TMEM117: variants seen among roughly 807,000 people sequenced by gnomAD.
TMEM117 encodes the protein transmembrane protein 117.
In TMEM117, 27 loss-of-function variants were observed where a neutral mutation model predicts 52.4. The observed-to-expected ratio is 0.51, with a 90% CI of 0.38 to 0.71. TMEM117 has a LOEUF of 0.71. Among genes scored for constraint, TMEM117 ranks in the 30% least tolerant of loss-of-function variants. The probability of loss-of-function intolerance (pLI) is 0.00; values close to 1 mark genes in which losing one functional copy is unlikely to be tolerated. For missense variants in TMEM117, 556 were observed against 630.5 expected (o/e 0.88, Z 1.26); for synonymous variants, 215 against 206.3 (o/e 1.04, Z -0.36).
chr12:43,906,924 C>A (rs1349965753), intron 2 of TMEM117, among the ~76,000 whole-genome samples: 1 of 152,110 alleles, frequency 6.6e-6, no homozygotes, highest in Non-Finnish European at 1.5e-5. Context: ...GGGGGAGGGG[C>A]GCCTGCCATT....
chr12:43,821,830 C>T, the TMEM117 span, among the ~76,000 whole-genome samples: 60 of 152,192 alleles, frequency 3.9e-4, no homozygotes, highest in East Asian at 2.1e-3. Flanking sequence ...TTGTTTTTAG[C>T]GGAGAAGGGC....
intron 2 of TMEM117, among the ~76,000 whole-genome samples, chr12:43,884,866 T>C (rs1186010299): frequency 6.6e-6 from 1 of 152,132 alleles, no homozygotes; most frequent in African/African-American, 2.4e-5. Context: ...TTATCAGTAC[T>C]GCACAAAGCT....
At chr12:44,207,916 T>G (rs1337739879) in intron 4 of TMEM117, among the ~76,000 whole-genome samples, 1 of 152,166 alleles carries the variant, frequency 6.6e-6, no homozygotes, top group Non-Finnish European at 1.5e-5. Context: ...TTATTTAACT[T>G]CATTGACTTC....
chr12:43,814,685 G>C, the TMEM117 span, among the ~76,000 whole-genome samples: 2 of 151,244 alleles, frequency 1.3e-5, no homozygotes, highest in African/African-American at 2.4e-5. Context: ...TGCATTACCA[G>C]TGTACAATGC....
In TMEM117 at chr12:44,261,630, A is replaced by G. The variant is rs949099472; in HGVS notation, c.609-37950A>G. On this transcript the variant is annotated intron_variant, in intron 5 of 7. Coordinates refer to ENST00000266534, the MANE Select transcript of TMEM117 (RefSeq NM_032256.3). ...AGCTTAAGGAAACAGTCCAATTTGA[A>G]TAATAGGAACATAGATGGAAGGTAC... 4.6e-5 allele frequency among the ~76,000 whole-genome samples: 7 copies of G among 152,326 alleles called. 1 individual carries two copies. The highest frequency in any genetic ancestry group is 4.6e-4 in the Admixed American group (7 of 15,304).
At chr12:44,066,240 G>A (rs1442839691) in intron 3 of TMEM117, among the ~76,000 whole-genome samples, 1 of 152,154 alleles carries the variant, frequency 6.6e-6, no homozygotes, top group Admixed American at 6.6e-5. Flanking sequence ...AATAGGTAAG[G>A]AGGCAACTTT....
At chr12:44,283,972 G>T (rs1467030368) in intron 5 of TMEM117, among the ~76,000 whole-genome samples, 1 of 152,132 alleles carries the variant, frequency 6.6e-6, no homozygotes, top group African/African-American at 2.4e-5. Flanking sequence ...GTTTATCAGG[G>T]TTTCCACTTC....
At chr12:44,052,060 A>G (rs1411483144) in intron 3 of TMEM117, among the ~76,000 whole-genome samples, 2 of 152,240 alleles carry the variant, frequency 1.3e-5, no homozygotes, top group Non-Finnish European at 2.9e-5. Flanking sequence ...AAAGATGATA[A>G]TAGTACCTAT....
chr12:43,855,619 T>A (rs967205447), intron 2 of TMEM117, among the ~76,000 whole-genome samples: 10 of 152,206 alleles, frequency 6.6e-5, no homozygotes, highest in African/African-American at 2.2e-4. Flanking sequence ...AACAGGAAGT[T>A]TGGGGACAAA....
chr12:43,817,481 G>A, the TMEM117 span, among the ~76,000 whole-genome samples: 693 of 152,298 alleles, frequency 4.6e-3, 7 homozygotes, highest in African/African-American at 0.016. Context: ...ACTGGAATGA[G>A]CTTAGGATTT....
At chr12:43,850,932 C>T (rs767957212) in intron 2 of TMEM117, among the ~76,000 whole-genome samples, 5 of 151,946 alleles carry the variant, frequency 3.3e-5, no homozygotes, top group Non-Finnish European at 4.4e-5. Context: ...TTGCTAATGA[C>T]GAGCACAGAA....
intron 4 of TMEM117, among the ~76,000 whole-genome samples, chr12:44,175,727 G>A (rs191468516): frequency 1.3e-5 from 2 of 152,262 alleles, no homozygotes; most frequent in Non-Finnish European, 2.9e-5. Flanking sequence ...AAGGTAGATT[G>A]ACAGAGATGG....
At chr12:44,158,325 G>T (rs182866253) in intron 4 of TMEM117, among the ~76,000 whole-genome samples, 46 of 152,228 alleles carry the variant, frequency 3.0e-4, no homozygotes, top group African/African-American at 9.9e-4. Flanking sequence ...AATCATAAAG[G>T]CAAGTGCAGA....
intron 2 of TMEM117, among the ~76,000 whole-genome samples, chr12:43,921,538 G>T (rs1484159328): frequency 6.6e-6 from 1 of 152,168 alleles, no homozygotes; most frequent in Non-Finnish European, 1.5e-5. Context: ...CTTATTTTGA[G>T]ATTTGAAGTA....
At chr12:44,092,181 G>A (rs536789703) in intron 3 of TMEM117, among the ~76,000 whole-genome samples, 1 of 152,318 alleles carries the variant, frequency 6.6e-6, no homozygotes, top group South Asian at 2.1e-4. Flanking sequence ...ATAACACAGA[G>A]CTAAGTATAG....
rs370433313 is a variant in TMEM117, at chr12:44,171,636, A to G, written c.510+28012A>G. ...ATGCTTCTCAGCAATAGTATTTAAT[A>G]TCATAGTAAAATCGTTTTACCCATT... On this transcript the variant is annotated intron_variant, in intron 4 of 7. Coordinates refer to ENST00000266534, the MANE Select transcript of TMEM117 (RefSeq NM_032256.3). Among the ~76,000 whole-genome samples the G allele has an allele frequency of 9.2e-5, 14 of 152,282 alleles. No individual in the cohort carries two copies. In the East Asian group the frequency reaches 2.3e-3, roughly 25 times the overall value.
intron 5 of TMEM117, among the ~76,000 whole-genome samples, chr12:44,221,562 A>G (rs1451560392): frequency 1.3e-5 from 2 of 152,206 alleles, no homozygotes; most frequent in African/African-American, 4.8e-5. Context: ...ATAATGTGGG[A>G]TATAGGGGTT....
chr12:43,883,928 A>G (rs1266270172), intron 2 of TMEM117, among the ~76,000 whole-genome samples: 5 of 152,058 alleles, frequency 3.3e-5, no homozygotes, highest in East Asian at 3.8e-4. Context: ...CTTGAGCCCA[A>G]GAGTATGAGA....
At chr12:44,008,297 C>G (rs1946233994) in intron 3 of TMEM117, among the ~76,000 whole-genome samples, 1 of 152,172 alleles carries the variant, frequency 6.6e-6, no homozygotes, top group Non-Finnish European at 1.5e-5. Context: ...TGTTATATAT[C>G]TGTCAAACAC....
Sources: allele counts gnomAD v4.1 joint callset (sites outside exome capture counted in the v4.1 genomes callset), GRCh38; gene constraint gnomAD v4.1.1; transcripts MANE v1.5; gene names NCBI Gene and HGNC (gene_info 2026-07-23, HGNC 2026-07-21).